ATP2B1: variants seen among roughly 807,000 people sequenced by gnomAD.
ATP2B1 encodes plasma membrane calcium-transporting ATPase 1.
ATP2B1 carries 14 observed loss-of-function variants against 124.2 expected under a neutral mutation model. The ratio of observed to expected loss-of-function variants is 0.11; its 90% CI spans 0.07 to 0.18. ATP2B1 has a LOEUF of 0.18. ATP2B1 is among the 10% of genes least tolerant of loss of function. The pLI, the probability that ATP2B1 is intolerant of heterozygous loss-of-function variation, is 1.00. For synonymous variants in ATP2B1, 449 were observed against 492.4 expected (o/e 0.91, Z 1.17); for missense variants, 763 against 1,466.1 (o/e 0.52, Z 7.83).
In ATP2B1 at chr12:89,604,416, CACTT is replaced by C. The variant is rs1022829183; in HGVS notation, c.2443-74_2443-71del. The C allele has an allele frequency of 2.7e-5, 34 of 1,242,248 alleles. No homozygotes were observed. The Middle Eastern group carries it at 1.5e-3, about 56-fold the overall frequency. 77.0% of individuals were successfully genotyped at this position (1,242,248 alleles called of 1,614,324 possible). On this transcript the variant is annotated intron_variant, in intron 15 of 20. Transcript: ENST00000428670. ...AACTTTCAAATAGTCAAAAAATACA[CACTT>C]AATAAACAAAAAGTTTACCATTATA...
chr12:89,624,810 C>T (rs1880563994), intron 8 of ATP2B1, among the ~76,000 whole-genome samples: 1 of 152,138 alleles, frequency 6.6e-6, no homozygotes, highest in Admixed American at 6.5e-5. Context: ...GAATTAAATA[C>T]TCAACCCATG....
At chr12:89,606,750 T>A (rs1052145854) in intron 15 of ATP2B1, among the ~76,000 whole-genome samples, 1 of 152,024 alleles carries the variant, frequency 6.6e-6, no homozygotes, top group African/African-American at 2.4e-5. Flanking sequence ...TTTGTATTTT[T>A]AGTAGAGACA....
chr12:89,645,587 G>C (rs1342595001), intron 2 of ATP2B1, among the ~76,000 whole-genome samples: 1 of 152,174 alleles, frequency 6.6e-6, no homozygotes, highest in Non-Finnish European at 1.5e-5. Flanking sequence ...GAACTTCCAG[G>C]GGTCAAGGGT....
chr12:89,635,259 G>A lies in ATP2B1; in HGVS notation c.407-8C>T. ...CAGAAACTTCTCCACAAACTATTTG[G>A]AAAGAAAGAAAATGCTTATCAAAAA... On this transcript the variant is annotated splice_region_variant and splice_polypyrimidine_tract_variant and intron_variant, in intron 3 of 20. Transcript: ENST00000428670. 1 of 1,605,544 alleles carries A rather than the reference G, an allele frequency of 6.2e-7. No homozygotes were observed. Among genetic ancestry groups the A allele is most frequent in the Non-Finnish European group, 8.5e-7 (1 of 1,177,122 alleles).
chr12:89,623,061 C>G (rs1020800031), intron 9 of ATP2B1, among the ~76,000 whole-genome samples: 7 of 32,760 alleles, frequency 2.1e-4, no homozygotes, highest in African/African-American at 6.2e-4. Context: ...TATCTTATCA[C>G]TTTGATACAT....
intron 20 of ATP2B1, 134 bp downstream of exon 20, chr12:89,598,983 T>C (rs1875252874): frequency 3.6e-6 from 4 of 1,115,752 alleles, no homozygotes; most frequent in Non-Finnish European, 3.8e-6. Context: ...GGCACCAGTA[T>C]TACTTTTCAA....
rs567705698 is a variant in ATP2B1 at position 89,599,049 on chromosome 12, G to A, written c.3351+68C>T. 23 of 1,537,200 alleles carry A rather than the reference G, an allele frequency of 1.5e-5. No individual in the cohort carries two copies. In the East Asian group the frequency reaches 2.0e-4, roughly 14 times the overall value. On this transcript the variant is annotated intron_variant, in intron 20 of 20. Transcript: ENST00000428670. ...GAGAGGAAGTTTAAGGAGCACACTC[G>A]AACCTCCTCCCCAGGTCAAAAAGCC...
chr12:89,609,814 C>A, intron 15 of ATP2B1, 123 bp downstream of exon 15: 1 of 781,132 alleles, frequency 1.3e-6, no homozygotes, highest in Non-Finnish European at 2.0e-6. Flanking sequence ...TATTAATTAT[C>A]CCTCGAACTA....
intron 1 of ATP2B1, among the ~76,000 whole-genome samples, chr12:89,660,299 C>G (rs1886549543): frequency 6.6e-6 from 1 of 152,162 alleles, no homozygotes; most frequent in African/African-American, 2.4e-5. Context: ...CAATACGTTA[C>G]ATGACAGAAT....
chr12:89,672,859 T>C (rs1387485789), intron 1 of ATP2B1, among the ~76,000 whole-genome samples: 1 of 152,250 alleles, frequency 6.6e-6, no homozygotes, highest in African/African-American at 2.4e-5. Flanking sequence ...CTGTATACAC[T>C]TGAGGTACTG....
At position 89,588,983 on chromosome 12, in the gene ATP2B1, C is replaced by T. The variant is rs1873087128; in HGVS notation, c.*2001G>A. ...ATCATGCAGCACATTAATGGCAAAA[C>T]CAAGACTAGAAACCAGGTCTTGACT... On this transcript the variant is annotated 3_prime_UTR_variant, in exon 21 of 21. Transcript: ENST00000428670. 1 of 152,484 alleles carries T rather than the reference C, an allele frequency of 6.6e-6. No individual in the cohort carries two copies. Among genetic ancestry groups the T allele is most frequent in the East Asian group, 1.9e-4 (1 of 5,200 alleles). The allele number at this position is 152,484 out of a possible 1,614,324, so 9.4% of individuals were successfully genotyped here. A position where few individuals can be genotyped will look rare whatever the true frequency, so the allele number is the denominator to read the frequency against.
chr12:89,627,325 TA>T (rs1881047876), intron 7 of ATP2B1, among the ~76,000 whole-genome samples: 1 of 148,696 alleles, frequency 6.7e-6, no homozygotes, highest in African/African-American at 2.5e-5. Flanking sequence ...AATGTATAAA[TA>T]AATTTCGTGT....
chr12:89,630,653 C>T lies in ATP2B1; in HGVS notation c.788-8G>A. The T allele has an allele frequency of 6.8e-7, 1 of 1,465,684 alleles. No individual in the cohort carries two copies. Among genetic ancestry groups the T allele is most frequent in the African/African-American group, 1.5e-5 (1 of 68,664 alleles). The allele number at this position is 1,465,684 out of a possible 1,614,324, so 90.8% of individuals were successfully genotyped here. A position where few individuals can be genotyped will look rare whatever the true frequency, so the allele number is the denominator to read the frequency against. ...CTTCCATTACATGAGTACCTATAAC[C>T]AAAAACATAGTTTGTTTTTAAAAAT... On this transcript the variant is annotated splice_polypyrimidine_tract_variant and splice_region_variant and intron_variant, in intron 5 of 20. Transcript: ENST00000428670.
At chr12:89,639,621 T>C (rs1883220453) in intron 3 of ATP2B1, among the ~76,000 whole-genome samples, 1 of 151,260 alleles carries the variant, frequency 6.6e-6, no homozygotes, top group Non-Finnish European at 1.5e-5. Context: ...AAATAACTTT[T>C]CACCATGGAG....
intron 1 of ATP2B1, among the ~76,000 whole-genome samples, chr12:89,702,907 A>G (rs990691753): frequency 3.3e-5 from 5 of 152,220 alleles, no homozygotes; most frequent in Admixed American, 2.6e-4. Context: ...GAAAAATTTA[A>G]TAGAAAATAG....
chr12:89,649,470 A>AT, intron 2 of ATP2B1, among the ~76,000 whole-genome samples: 1 of 152,266 alleles, frequency 6.6e-6, no homozygotes, highest in East Asian at 1.9e-4. Flanking sequence ...CTTTTGGCTG[A>AT]TTTTTCCCTT....
intron 1 of ATP2B1, among the ~76,000 whole-genome samples, chr12:89,699,507 G>A (rs997692157): frequency 3.3e-5 from 5 of 152,042 alleles, no homozygotes; most frequent in African/African-American, 1.2e-4. Context: ...TGGGGGGAGC[G>A]GGTAACCTGT....
chr12:89,618,887 G>A (rs1360017229), intron 11 of ATP2B1, among the ~76,000 whole-genome samples: 1 of 151,974 alleles, frequency 6.6e-6, no homozygotes, highest in Non-Finnish European at 1.5e-5. Flanking sequence ...CCACATGTAA[G>A]CAAATTAAAA....
At chr12:89,683,620 T>C (rs2407988) in intron 1 of ATP2B1, among the ~76,000 whole-genome samples, 142,406 of 152,200 alleles carry the variant, frequency 0.94, 66,835 homozygotes, top group East Asian at 0.99. Context: ...TCATTTGAGA[T>C]TTTCCCATGA....
Sources: gnomAD v4.1 joint callset for allele counts (sites outside exome capture counted in the v4.1 genomes callset) on GRCh38, gnomAD v4.1.1 for gene constraint, MANE v1.5 for transcripts, NCBI Gene and HGNC (gene_info 2026-07-23, HGNC 2026-07-21) for gene names.